PLEKHG4B: variants seen among roughly 807,000 people sequenced by gnomAD.
The protein encoded by PLEKHG4B is pleckstrin homology and RhoGEF domain containing G4B, also known as pleckstrin homology domain-containing family G member 4B.
In PLEKHG4B, 111 loss-of-function variants were observed where a neutral mutation model predicts 121.3. The observed-to-expected ratio is 0.92, with a 90% CI of 0.78 to 1.07. The LOEUF (loss-of-function observed/expected upper bound fraction) is 1.07. Ranked by LOEUF, PLEKHG4B falls within the 50% of genes least tolerant of loss-of-function variation. The probability of loss-of-function intolerance (pLI) is 0.00; values close to 1 mark genes in which losing one functional copy is unlikely to be tolerated. For missense variants in PLEKHG4B, 1,831 were observed against 1,757.8 expected (o/e 1.04, Z -0.74); for synonymous variants, 738 against 725.0 (o/e 1.02, Z -0.29).
At chr5:144,752 T>C (rs1735346850) in intron 5 of PLEKHG4B, 75 bp from the exon 6 acceptor site, 1 of 1,309,820 alleles carries the variant, frequency 7.6e-7, no homozygotes. Flanking sequence ...ACAACTAGCC[T>C]CAGAGGTGGA....
rs772278821 is a variant in PLEKHG4B, at chr5:155,021, C to T, written c.2109+30C>T. The stretch of plus-strand genomic sequence containing the variant: ...GTTCAGCCTGCAGCTGCTGCACATG[C>T]GACAGTCTCTGGGGACTTTCTGTTA... On this transcript the variant is annotated intron_variant, in intron 8 of 19. Transcript: ENST00000637938. The T allele has an allele frequency of 1.7e-5, 27 of 1,549,168 alleles. No homozygotes were observed. The highest frequency in any genetic ancestry group is 4.5e-5 in the East Asian group (2 of 44,592).
intron 1 of PLEKHG4B, among the ~76,000 whole-genome samples, chr5:92,973 T>C (rs1006722274): frequency 1.5e-4 from 23 of 152,168 alleles, no homozygotes; most frequent in African/African-American, 5.6e-4. Context: ...TTCAGGTTTT[T>C]CATGTGAGTT....
chr5:96,266 A>C (rs980925376), intron 1 of PLEKHG4B, among the ~76,000 whole-genome samples: 1 of 152,238 alleles, frequency 6.6e-6, no homozygotes, highest in Non-Finnish European at 1.5e-5. Context: ...TGTGTGGAGC[A>C]CAGGAACTGC....
rs202040593 is a variant in PLEKHG4B, at chr5:163,485, G to A, written c.3413G>A (p.Arg1138Gln). The change falls in exon 13 of 20, where the codon CGG becomes CAG. Residue 1138 changes from arginine to glutamine, a missense_variant. Coordinates refer to ENST00000637938, the MANE Select transcript of PLEKHG4B (RefSeq NM_052909.5). ...AGGAGCCCCCCGGTCACTCAGAGCC[G>A]GAGTCTGTCCTCCCCCTCGGGGCTC... ...HARSPPVTQS[R>Q]SLSSPSGLHP... The A allele has an allele frequency of 4.3e-4, 688 of 1,612,548 alleles. 3 individuals are homozygous for A. The highest frequency in any genetic ancestry group is 2.7e-3 in the South Asian group (247 of 91,072).
At chr5:164,729 T>TGCTCTG (rs1188514375) in intron 13 of PLEKHG4B, among the ~76,000 whole-genome samples, 1 of 98,130 alleles carries the variant, frequency 1.0e-5, no homozygotes, top group African/African-American at 4.3e-5. Flanking sequence ...CTCACACTAA[T>TGCTCTG]ACTCTGACGG....
Position 151,492 on chromosome 5 carries a change from T to C in PLEKHG4B, c.1906-21T>C, listed in dbSNP as rs748698820. 6 of 1,467,540 alleles carry C rather than the reference T, an allele frequency of 4.1e-6. No homozygotes were observed. In the South Asian group the frequency reaches 7.3e-5, roughly 18 times the overall value. The allele number at this position is 1,467,540 out of a possible 1,614,324, so 90.9% of individuals were successfully genotyped here. Reference sequence around the variant, plus strand: ...AAAATTAGAAAGCTAATCAGTAATATTTATTTCTTATTTATTTCAGAACAA... The same window carrying C: ...AAAATTAGAAAGCTAATCAGTAATACTTATTTCTTATTTATTTCAGAACAA... On this transcript the variant is annotated intron_variant, in intron 6 of 19. Coordinates refer to ENST00000637938, the MANE Select transcript of PLEKHG4B (RefSeq NM_052909.5).
intron 1 of PLEKHG4B, among the ~76,000 whole-genome samples, chr5:103,183 A>G (rs1469247412): frequency 6.6e-6 from 1 of 152,186 alleles, no homozygotes; most frequent in African/African-American, 2.4e-5. Context: ...CTGTGTGTGA[A>G]GTCAGATGTT....
chr5:95,601 T>G (rs1213943998), intron 1 of PLEKHG4B, among the ~76,000 whole-genome samples: 1 of 152,190 alleles, frequency 6.6e-6, no homozygotes, highest in African/African-American at 2.4e-5. Context: ...CTTCCCAGCC[T>G]TATTCTAAGA....
chr5:151,382 C>A, intron 6 of PLEKHG4B, 131 bp from the exon 7 acceptor site: 1 of 510,044 alleles, frequency 2.0e-6, no homozygotes, highest in Non-Finnish European at 3.5e-6. Context: ...GCAAAGTCAG[C>A]CATGTTTTAT....
At chr5:104,101 G>C (rs1490009094) in intron 1 of PLEKHG4B, among the ~76,000 whole-genome samples, 1 of 112,698 alleles carries the variant, frequency 8.9e-6, no homozygotes, top group East Asian at 2.2e-4. Context: ...AACAACCACA[G>C]CCAGTCCCAG....
Position 159,296 on chromosome 5 carries a change from G to A in PLEKHG4B, c.2487+2385G>A, listed in dbSNP as rs941232207. Among the ~76,000 whole-genome samples the A allele has an allele frequency of 8.2e-6, 1 of 121,654 alleles. No individual in the cohort carries two copies. Among genetic ancestry groups the A allele is most frequent in the Non-Finnish European group, 1.7e-5 (1 of 59,288 alleles). The allele number at this position is 121,654 out of a possible 152,430, so 79.8% of individuals were successfully genotyped here. A position where few individuals can be genotyped will look rare whatever the true frequency, so the allele number is the denominator to read the frequency against. ...CTGAGGGCAGGTGTGCCTGAGGGTC[G>A]CCCAGGTGCACCGAGGGCAGGTGTG... On this transcript the variant is annotated intron_variant, in intron 11 of 19. Transcript: ENST00000637938. This position sits in a 1 kb window ranked among gnomAD's most constrained non-coding sequence, Gnocchi z 5.5.
At chr5:143,298 C>T (rs962676260) in intron 4 of PLEKHG4B, 42 bp downstream of exon 4, 14 of 1,607,950 alleles carry the variant, frequency 8.7e-6, no homozygotes, top group Admixed American at 3.3e-5. Context: ...GCGGATCTGA[C>T]ATCTAAGCCG....
rs1736027290 is a variant in PLEKHG4B at position 162,068 on chromosome 5, A to T, written c.2649+124A>T. On this transcript the variant is annotated intron_variant, in intron 12 of 19. Coordinates refer to ENST00000637938, the MANE Select transcript of PLEKHG4B (RefSeq NM_052909.5). ...GTGGGACAGAGGCCGGGCACCTGCG[A>T]TGGAGCCCCCCTGGCCACTGCGCCC... 3.2e-6 allele frequency: 4 copies of T among 1,269,026 alleles called. No individual in the cohort carries two copies. The South Asian group carries it at 4.6e-5, about 15-fold the overall frequency. 78.6% of individuals were successfully genotyped at this position (1,269,026 alleles called of 1,614,324 possible).
At position 188,744 on chromosome 5, in the gene PLEKHG4B, G is replaced by A. The variant is rs1733700682; in HGVS notation, c.*6421G>A. 1 of 152,274 alleles carries A rather than the reference G, an allele frequency of 6.6e-6. No individual in the cohort carries two copies. The highest frequency in any genetic ancestry group is 1.5e-5 in the Non-Finnish European group (1 of 68,060). 9.4% of individuals were successfully genotyped at this position (152,274 alleles called of 1,614,324 possible). A position where few individuals can be genotyped will look rare whatever the true frequency, so the allele number is the denominator to read the frequency against. On this transcript the variant is annotated 3_prime_UTR_variant, in exon 20 of 20. Transcript: ENST00000637938. Reference sequence around the variant, plus strand: ...GGCTGGGACCTGGAGCTCCCCTCAAGCTGCAGATCCACTCTGCACCACAAG... The same window carrying A: ...GGCTGGGACCTGGAGCTCCCCTCAAACTGCAGATCCACTCTGCACCACAAG...
Position 187,602 on chromosome 5 carries a change from C to T in PLEKHG4B, c.*5279C>T, listed in dbSNP as rs13162355. On this transcript the variant is annotated 3_prime_UTR_variant, in exon 20 of 20. Transcript: ENST00000637938. ...TTTCTGACAGGCAAAATGCTCCTTACATAAGGAAAGACCTTTCCTTGGCTG... is the reference window on the plus strand; with the variant it reads ...TTTCTGACAGGCAAAATGCTCCTTATATAAGGAAAGACCTTTCCTTGGCTG... 79,106 of 152,072 alleles carry T rather than the reference C, an allele frequency of 0.52. 23,678 individuals are homozygous for T. Among genetic ancestry groups the T allele is most frequent in the Non-Finnish European group, 0.68 (46,355 of 67,962 alleles). The allele number at this position is 152,072 out of a possible 1,614,324, so 9.4% of individuals were successfully genotyped here. A position where few individuals can be genotyped will look rare whatever the true frequency, so the allele number is the denominator to read the frequency against.
At position 144,889 on chromosome 5, in the gene PLEKHG4B, C is replaced by T; in HGVS notation, c.1874C>T (p.Pro625Leu). 6.2e-7 allele frequency: 1 copy of T among 1,613,410 alleles called. No individual in the cohort carries two copies. The highest frequency in any genetic ancestry group is 8.5e-7 in the Non-Finnish European group (1 of 1,179,978). Reference sequence around the variant, plus strand: ...GATGCACGCAGGAGTCCAGCTGCCCCTGCCGTCTCCCAGGCCCTCTCAGGA... The same window carrying T: ...GATGCACGCAGGAGTCCAGCTGCCCTTGCCGTCTCCCAGGCCCTCTCAGGA... ...LVDARRSPAA[P>L]AVSQALSGLQ... The change falls in exon 6 of 20, where the codon CCT (proline) becomes CTT (leucine). Residue 625 changes from proline (P) to leucine (L), a missense_variant. Coordinates refer to ENST00000637938, the MANE Select transcript of PLEKHG4B (RefSeq NM_052909.5).
chr5:140,369 C>T lies in PLEKHG4B; in HGVS notation c.1130C>T (p.Ala377Val), dbSNP rs1354931839. The change falls in exon 3 of 20, where the codon GCC (alanine) becomes GTC (valine). Residue 377 changes from alanine to valine, a missense_variant. Coordinates refer to ENST00000637938, the MANE Select transcript of PLEKHG4B (RefSeq NM_052909.5). ...TCTGAGGAGGCCCTCGGGGACCTGG[C>T]CTGCAGCTCCCTGACTGGAGCCAGC... ...GSSEEALGDL[A>V]CSSLTGASRD... The T allele has an allele frequency of 1.3e-6, 2 of 1,550,172 alleles. No homozygotes were observed. The highest frequency in any genetic ancestry group is 1.7e-6 in the Non-Finnish European group (2 of 1,147,748).
chr5:170,797 A>G (rs1736517315), intron 14 of PLEKHG4B, among the ~76,000 whole-genome samples: 1 of 151,988 alleles, frequency 6.6e-6, no homozygotes, highest in Non-Finnish European at 1.5e-5. Flanking sequence ...TGTTTTAAAG[A>G]CAAATTACAG....
intron 13 of PLEKHG4B, among the ~76,000 whole-genome samples, chr5:164,630 G>GAGCTCACAGTAATGCTGTGACGGAGCA (rs1736201032): frequency 2.0e-5 from 1 of 49,740 alleles, no homozygotes; most frequent in Non-Finnish European, 5.0e-5. Flanking sequence ...GTGACGGAGC[G>GAGCTCACAGTAATGCTGTGACGGAGCA]GAGCTCACAC....
Sources: allele counts gnomAD v4.1 joint callset (sites outside exome capture counted in the v4.1 genomes callset), GRCh38; gene constraint gnomAD v4.1.1; non-coding constraint Gnocchi (gnomAD v3.1); transcripts MANE v1.5; gene names NCBI Gene and HGNC (gene_info 2026-07-23, HGNC 2026-07-21).